CPEB2: variants seen among roughly 807,000 people sequenced by gnomAD.
CPEB2 encodes the protein cytoplasmic polyadenylation element binding protein 2, also known as cytoplasmic polyadenylation element-binding protein 2.
Under a neutral mutation model 93.6 loss-of-function variants are expected in CPEB2, and 56 were observed. The ratio of observed to expected loss-of-function variants is 0.60; its 90% CI spans 0.48 to 0.75. The LOEUF (loss-of-function observed/expected upper bound fraction) is 0.75. Among genes scored for constraint, CPEB2 ranks in the 30% least tolerant of loss-of-function variants. The pLI is 0.00. For synonymous variants in CPEB2, 764 were observed against 586.3 expected (o/e 1.30, Z -4.38); for missense variants, 1,579 against 1,395.1 (o/e 1.13, Z -2.10).
chr4:15,064,725 C>G (rs1233362391), intron 11 of CPEB2, among the ~76,000 whole-genome samples: 1 of 152,048 alleles, frequency 6.6e-6, no homozygotes, highest in Non-Finnish European at 1.5e-5. Flanking sequence ...GGGTGCTGTC[C>G]CAGTGTTCAT....
intron 4 of CPEB2, among the ~76,000 whole-genome samples, chr4:15,030,591 CTTAACTTTAAAAG>C (rs1433886103): frequency 2.0e-5 from 3 of 152,036 alleles, no homozygotes; most frequent in African/African-American, 7.2e-5. Context: ...CTAAGTAAAA[CTTAACTTTAAAAG>C]TTAACCTATG....
At chr4:15,024,323 T>C (rs1054711766) in intron 4 of CPEB2, among the ~76,000 whole-genome samples, 4 of 152,142 alleles carry the variant, frequency 2.6e-5, no homozygotes, top group African/African-American at 9.6e-5. Flanking sequence ...TTCCTGCTAA[T>C]GGGACATACA....
At chr4:15,014,624 A>G (rs960452460) in intron 3 of CPEB2, among the ~76,000 whole-genome samples, 4 of 152,020 alleles carry the variant, frequency 2.6e-5, no homozygotes, top group African/African-American at 4.8e-5. Flanking sequence ...GTCCTTTACC[A>G]TTACTATTTA....
At chr4:15,020,665 T>A (rs542133112) in intron 4 of CPEB2, among the ~76,000 whole-genome samples, 126 of 152,232 alleles carry the variant, frequency 8.3e-4, no homozygotes, top group African/African-American at 2.8e-3. Context: ...AGATGTGAAA[T>A]GATGGCAACC....
At chr4:15,033,068 T>TTA in intron 4 of CPEB2, 93 bp from the exon 5 acceptor site, 1 of 815,506 alleles carries the variant, frequency 1.2e-6, no homozygotes, top group South Asian at 1.6e-5. Context: ...AATTTTCTCT[T>TTA]TATGCTGCCT....
rs2108932781 is a variant in CPEB2 at position 15,003,520 on chromosome 4, C to T, written c.847C>T (p.Arg283Cys). ...CCGCCACGGAGGCGCGGGCAGCCCT[C>T]GCAAGACCCCAGCCGCGGGCGAGGG... ...RRRHGGAGSP[R>C]KTPAAGEGSA... is the part of the protein sequence containing the mutation. Residue 283 changes from arginine (R) to cysteine (C), a missense_variant, in exon 1 of 12, where the codon CGC becomes TGC. Around this residue, in one of 2 missense-constraint regions of CPEB2, gnomAD observed 1,411 missense variants for 1,056.0 expected, o/e 1.34. Transcript: ENST00000538197. 1.4e-6 allele frequency: 2 copies of T among 1,442,058 alleles called. No individual in the cohort carries two copies. Among genetic ancestry groups the T allele is most frequent in the East Asian group, 6.2e-5 (2 of 32,396 alleles). 89.3% of individuals were successfully genotyped at this position (1,442,058 alleles called of 1,614,324 possible).
In CPEB2 at chr4:15,003,468, T is replaced by C; in HGVS notation, c.795T>C (p.Pro265=). 3 of 1,386,552 alleles carry C rather than the reference T, an allele frequency of 2.2e-6. No homozygotes were observed. Among genetic ancestry groups the C allele is most frequent in the South Asian group, 1.6e-5 (1 of 61,738 alleles). 85.9% of individuals were successfully genotyped at this position (1,386,552 alleles called of 1,614,324 possible). ...ACCTGCCCCCGCTCCCGCAGCTCCC[T>C]CCCTCGCCGCCTGCAGCCCCGCGGC... The part of the protein sequence containing the change: ...PADLPPLPQL[P]PSPPAAPRRR... Residue 265 remains proline, a synonymous_variant, in exon 1 of 12, where the codon CCT becomes CCC. Transcript: ENST00000538197.
intron 8 of CPEB2, among the ~76,000 whole-genome samples, 163 bp from the exon 9 acceptor site, chr4:15,058,256 GTA>G (rs769456325): frequency 4.0e-5 from 6 of 151,578 alleles, no homozygotes; most frequent in African/African-American, 9.7e-5. Context: ...GTTTTAATGT[GTA>G]TTACATAAGA....
intron 5 of CPEB2, among the ~76,000 whole-genome samples, chr4:15,039,208 A>G (rs1025437507): frequency 1.3e-5 from 2 of 152,186 alleles, no homozygotes; most frequent in African/African-American, 2.4e-5. Context: ...GGTCTGATAT[A>G]AGCCTTATAG....
chr4:15,006,966 T>G (rs1722896916), intron 1 of CPEB2, among the ~76,000 whole-genome samples: 5 of 152,224 alleles, frequency 3.3e-5, no homozygotes, highest in Admixed American at 3.3e-4. Flanking sequence ...GTATGTTATA[T>G]CTTTAAGAAT....
chr4:15,053,996 A>T (rs1211510559), intron 7 of CPEB2, 132 bp from the exon 8 acceptor site: 2 of 565,512 alleles, frequency 3.5e-6, no homozygotes, highest in African/African-American at 3.9e-5. Context: ...ACATATTCCC[A>T]GTGTTTATAT....
chr4:15,066,042 C>T (rs2109119465), intron 11 of CPEB2, 111 bp from the exon 12 acceptor site: 1 of 871,758 alleles, frequency 1.1e-6, no homozygotes. Context: ...CTGCCCATTT[C>T]CTCAGCTTTT....
chr4:15,062,307 G>C, intron 11 of CPEB2, 47 bp downstream of exon 11: 1 of 1,438,504 alleles, frequency 7.0e-7, no homozygotes, highest in South Asian at 1.4e-5. Flanking sequence ...ATAAGGTGCT[G>C]ATCCAAAGCC....
intron 8 of CPEB2, among the ~76,000 whole-genome samples, chr4:15,056,523 T>C (rs1422211699): frequency 2.0e-5 from 3 of 152,122 alleles, no homozygotes; most frequent in Admixed American, 1.3e-4. Context: ...AAAATAAAAT[T>C]GGCACTGGCA....
chr4:15,066,364 A>G lies in CPEB2; in HGVS notation c.3089A>G (p.His1030Arg). 6.2e-7 allele frequency: 1 copy of G among 1,605,052 alleles called. No homozygotes were observed. The change falls in exon 12 of 12, where the codon CAC becomes CGC. Residue 1030 changes from histidine (H) to arginine (R), a missense_variant. Physicochemically the swap from His to Arg is conservative, Grantham distance 29. Transcript: ENST00000538197. ...KEGADRPRQIHFRWN is the reference protein window; with the variant it reads ...KEGADRPRQIRFRWN ...GGTGCTGATCGCCCACGTCAGATCC[A>G]CTTCCGCTGGAACTAAGAATAGCAA...
At chr4:15,019,867 CAG>C (rs1370411967) in intron 4 of CPEB2, among the ~76,000 whole-genome samples, 4 of 152,112 alleles carry the variant, frequency 2.6e-5, no homozygotes, top group Admixed American at 1.3e-4. Flanking sequence ...ATCAAAAAAA[CAG>C]TATACATTAT....
In CPEB2 at chr4:15,048,807, C is replaced by T. The variant is rs16891321; in HGVS notation, c.2201-3607C>T. Among the ~76,000 whole-genome samples, 1,049 of 151,960 alleles carry T rather than the reference C, an allele frequency of 6.9e-3. 17 individuals are homozygous for T. Among genetic ancestry groups the T allele is most frequent in the African/African-American group, 0.024 (999 of 41,500 alleles). On this transcript the variant is annotated intron_variant, in intron 6 of 11. Coordinates refer to ENST00000538197, the MANE Select transcript of CPEB2 (RefSeq NM_001177382.2). ...TGAGGTGTAAGAACCTGAAAACATA[C>T]GTATGGTATCCTTCTTAGAAAGCAT...
chr4:15,054,064 A>G, intron 7 of CPEB2, 64 bp from the exon 8 acceptor site: 2 of 1,090,018 alleles, frequency 1.8e-6, no homozygotes, highest in South Asian at 2.8e-5. Context: ...TAGTAACAGT[A>G]CAGAATTTCT....
chr4:15,061,709 T>G lies in CPEB2; in HGVS notation c.2696-370T>G, dbSNP rs543201764. On this transcript the variant is annotated intron_variant, in intron 10 of 11. Coordinates refer to ENST00000538197, the MANE Select transcript of CPEB2 (RefSeq NM_001177382.2). Reference sequence around the variant, plus strand: ...AAAATTATAGTGTACTTGGGAAAATTGATTGTATAGAAGGGAAAGGGGAGA... The same window carrying G: ...AAAATTATAGTGTACTTGGGAAAATGGATTGTATAGAAGGGAAAGGGGAGA... 4.0e-5 allele frequency among the ~76,000 whole-genome samples: 6 copies of G among 148,412 alleles called. No individual in the cohort carries two copies. In the South Asian group the frequency reaches 1.3e-3, roughly 33 times the overall value.
Sources: allele counts gnomAD v4.1 joint callset (sites outside exome capture counted in the v4.1 genomes callset), GRCh38; gene constraint gnomAD v4.1.1; regional missense constraint gnomAD v4.1.1; transcripts MANE v1.5; gene names NCBI Gene and HGNC (gene_info 2026-07-23, HGNC 2026-07-21).